Variants in ALMS1 observed in about 807,000 individuals in gnomAD.
ALMS1 encodes centrosome-associated protein ALMS1.
ALMS1 carries 271 observed loss-of-function variants against 352.2 expected under a neutral mutation model. The observed-to-expected ratio is 0.77, with a 90% CI of 0.70 to 0.85. ALMS1 has a LOEUF of 0.85. Among genes scored for constraint, ALMS1 ranks in the 40% least tolerant of loss-of-function variants. The pLI is 0.00. For missense variants in ALMS1, 5,445 were observed against 4,870.7 expected, an observed-to-expected ratio of 1.12 and a Z score of -3.51; for synonymous variants, 1,865 against 1,761.2, an observed-to-expected ratio of 1.06 and a Z score of -1.48.
intron 9 of ALMS1, among the ~76,000 whole-genome samples, chr2:73,486,232 A>G (rs1672840246): frequency 6.6e-6 from 1 of 152,122 alleles, no homozygotes; most frequent in Non-Finnish European, 1.5e-5. Context: ...GAGGTTTGCA[A>G]ATATTTTCTT....
intron 3 of ALMS1, among the ~76,000 whole-genome samples, chr2:73,422,602 C>A (rs946191252): frequency 6.6e-6 from 1 of 151,972 alleles, no homozygotes; most frequent in African/African-American, 2.4e-5. Flanking sequence ...GTTTCCTCAC[C>A]TATAAGATAT....
intron 11 of ALMS1, among the ~76,000 whole-genome samples, chr2:73,533,085 G>A (rs1673955619): frequency 6.6e-6 from 1 of 152,224 alleles, no homozygotes; most frequent in Non-Finnish European, 1.5e-5. Flanking sequence ...CTGTGGCTGA[G>A]CTAGTATCCA....
chr2:73,572,963 A>G lies in ALMS1; in HGVS notation c.11086A>G (p.Lys3696Glu), dbSNP rs45440794. 7 of 1,614,146 alleles carry G rather than the reference A, an allele frequency of 4.3e-6. No individual in the cohort carries two copies. The highest frequency in any genetic ancestry group is 5.9e-6 in the Non-Finnish European group (7 of 1,180,012). ...AAATACAGGCGAGCTTAAAAAAAGC[A>G]AGGTGCTTTCTCATCATCGAGCTGG... ...HKNTGELKKS[K>E]VLSHHRAGRS... Residue 3696 changes from lysine (K) to glutamate (E), a missense_variant, in exon 16 of 23, where the codon AAG becomes GAG. By Grantham distance (56) the Lys-to-Glu change is moderately conservative. Coordinates refer to ENST00000613296, the MANE Select transcript of ALMS1 (RefSeq NM_001378454.1).
At chr2:73,543,275 C>G (rs1196290283) in intron 12 of ALMS1, among the ~76,000 whole-genome samples, 1 of 152,192 alleles carries the variant, frequency 6.6e-6, no homozygotes, top group Non-Finnish European at 1.5e-5. Context: ...AAAGGATTCC[C>G]TATTTAATAA....
intron 16 of ALMS1, among the ~76,000 whole-genome samples, chr2:73,577,529 T>A (rs1241439188): frequency 1.3e-5 from 2 of 152,178 alleles, no homozygotes; most frequent in Non-Finnish European, 2.9e-5. Context: ...GGATTATTCT[T>A]TAATGTAGGC....
intron 1 of ALMS1, among the ~76,000 whole-genome samples, chr2:73,391,869 A>G (rs75071974): frequency 0.044 from 6,715 of 152,164 alleles, 367 homozygotes; most frequent in African/African-American, 0.11. Context: ...TGTATGTTTG[A>G]AAGATATCAC....
In ALMS1 at chr2:73,450,813, A is replaced by G. The variant is rs763136053; in HGVS notation, c.4286A>G (p.Tyr1429Cys). The G allele has an allele frequency of 3.0e-5, 49 of 1,612,806 alleles. No individual in the cohort carries two copies. The South Asian group carries it at 3.3e-4, about 11-fold the overall frequency. The change falls in exon 8 of 23, where the codon TAC becomes TGC. Residue 1429 changes from tyrosine (Y) to cysteine (C), a missense_variant. Transcript: ENST00000613296. ...ATACCAACTTTACCCTCTACTTTCTACTCACACACAGAGAAGCCTGGTAGT... is the reference window on the plus strand; with the variant it reads ...ATACCAACTTTACCCTCTACTTTCTGCTCACACACAGAGAAGCCTGGTAGT... ...TGIPTLPSTF[Y>C]SHTEKPGSFY...
At chr2:73,393,113 T>G (rs1670684172) in intron 1 of ALMS1, among the ~76,000 whole-genome samples, 1 of 152,186 alleles carries the variant, frequency 6.6e-6, no homozygotes, top group South Asian at 2.1e-4. Flanking sequence ...AGGTCAAACT[T>G]TTGCCCATTC....
Position 73,490,525 on chromosome 2 carries a change from G to A in ALMS1, c.8566G>A (p.Val2856Ile). The change falls in exon 10 of 23, where the codon GTA (valine) becomes ATA (isoleucine). Residue 2856 changes from valine to isoleucine, a missense_variant. By Grantham distance (29) the Val-to-Ile change is conservative. Transcript: ENST00000613296. The stretch of plus-strand genomic sequence containing the variant: ...GGGCAGACCAAGTTCCACCCTAGGA[G>A]TAAACAGATCGAGTTCCAGACTAGG... Reference protein sequence around the residue: ...SMGRPSSTLGVNRSSSRLGVK... With the variant: ...SMGRPSSTLGINRSSSRLGVK... 6.2e-7 allele frequency: 1 copy of A among 1,614,162 alleles called. No homozygotes were observed. The highest frequency in any genetic ancestry group is 8.5e-7 in the Non-Finnish European group (1 of 1,180,022).
At chr2:73,435,523 G>T (rs895374744) in intron 7 of ALMS1, among the ~76,000 whole-genome samples, 13 of 139,728 alleles carry the variant, frequency 9.3e-5, no homozygotes, top group Non-Finnish European at 1.9e-4. Context: ...CTTTACTCCC[G>T]TATAGCTCTA....
rs187823558 is a variant in ALMS1 at position 73,497,143 on chromosome 2, C to G, written c.9539+5645C>G. Among the ~76,000 whole-genome samples, 11 of 152,222 alleles carry G rather than the reference C, an allele frequency of 7.2e-5. No individual in the cohort carries two copies. The East Asian group carries it at 2.1e-3, about 29-fold the overall frequency. On this transcript the variant is annotated intron_variant, in intron 10 of 22. Transcript: ENST00000613296. ...TCAGCACTTAAAAAATATGCTCCTT[C>G]CTTCTGGATTCCATGGTTTCTGGCA... is the stretch of plus-strand genomic sequence containing the variant.
At chr2:73,565,389 TC>T (rs1425614750) in intron 15 of ALMS1, among the ~76,000 whole-genome samples, 4 of 152,178 alleles carry the variant, frequency 2.6e-5, no homozygotes, top group Non-Finnish European at 1.5e-5. Context: ...TAGTATTAGA[TC>T]ATAACCAAAG....
At position 73,449,399 on chromosome 2, in the gene ALMS1, A is replaced by T. The variant is rs1259661145; in HGVS notation, c.2872A>T (p.Ser958Cys). ...AGTGTCCTCTAATTCTCACTCACAT[A>T]GCGAGAAATCTAGTGTTTTCTACCA... ...PTVSSNSHSH[S>C]EKSSVFYQQE... Residue 958 changes from serine to cysteine, a missense_variant, in exon 8 of 23, where the codon AGC becomes TGC. By Grantham distance (112) the Ser-to-Cys change is moderately radical. Coordinates refer to ENST00000613296, the MANE Select transcript of ALMS1 (RefSeq NM_001378454.1). The T allele has an allele frequency of 3.7e-6, 6 of 1,614,016 alleles. No homozygotes were observed. In the East Asian group the frequency reaches 1.3e-4, roughly 36 times the overall value.
intron 16 of ALMS1, among the ~76,000 whole-genome samples, chr2:73,582,746 A>G (rs944346665): frequency 2.6e-5 from 4 of 152,318 alleles, no homozygotes; most frequent in African/African-American, 9.6e-5. Context: ...TACTGTTTAC[A>G]TATACCACAT....
intron 16 of ALMS1, among the ~76,000 whole-genome samples, chr2:73,581,590 G>A (rs899718591): frequency 5.9e-5 from 9 of 152,168 alleles, no homozygotes; most frequent in African/African-American, 1.9e-4. Flanking sequence ...CCAAAGTTCA[G>A]ATAAGGTTGG....
In ALMS1 at chr2:73,557,116, T is replaced by C. The variant is rs913145892; in HGVS notation, c.10079-104T>C. 3.0e-5 allele frequency: 46 copies of C among 1,516,354 alleles called. No homozygotes were observed. In the East Asian group the frequency reaches 9.9e-4, roughly 33 times the overall value. 93.9% of individuals were successfully genotyped at this position (1,516,354 alleles called of 1,614,324 possible). On this transcript the variant is annotated intron_variant, in intron 13 of 22. Transcript: ENST00000613296. ...CCTAAGAGGTACTTTTTTCCTAATA[T>C]GTAAATGGGTTTGGGGTTTTGTTTG...
chr2:73,472,384 C>T (rs187240632), intron 9 of ALMS1, among the ~76,000 whole-genome samples: 23 of 151,514 alleles, frequency 1.5e-4, no homozygotes, highest in African/African-American at 5.6e-4. Context: ...TAGAATATTT[C>T]TTTATAGTAG....
chr2:73,391,103 C>G (rs549269079), intron 1 of ALMS1, among the ~76,000 whole-genome samples: 5 of 151,720 alleles, frequency 3.3e-5, no homozygotes, highest in Non-Finnish European at 5.9e-5. Context: ...TTAGTTTCCT[C>G]TCTGTCAGCT....
At chr2:73,588,254 GTGCTGTCTCCCC>G (rs1197923903) in intron 16 of ALMS1, among the ~76,000 whole-genome samples, 1 of 152,080 alleles carries the variant, frequency 6.6e-6, no homozygotes, top group Non-Finnish European at 1.5e-5. Flanking sequence ...TCTCTGCCCC[GTGCTGTCTCCCC>G]TGCAGTCTCT....
Sources: allele counts gnomAD v4.1 joint callset (sites outside exome capture counted in the v4.1 genomes callset), GRCh38; gene constraint gnomAD v4.1.1; transcripts MANE v1.5; gene names NCBI Gene and HGNC (gene_info 2026-07-23, HGNC 2026-07-21).